ZFHX3: variants seen among roughly 807,000 people sequenced by gnomAD.
ZFHX3 encodes the protein zinc finger homeobox protein 3.
ZFHX3 carries 42 observed loss-of-function variants against 279.1 expected under a neutral mutation model. The observed-to-expected ratio is 0.15, with a 90% CI of 0.12 to 0.19. The LOEUF is 0.19. Ranked by LOEUF, ZFHX3 falls within the 10% of genes least tolerant of loss-of-function variation. ZFHX3 has a pLI of 1.00. For synonymous variants in ZFHX3, 2,293 were observed against 1,957.8 expected (o/e 1.17, Z -4.52); for missense variants, 4,981 against 4,754.0 (o/e 1.05, Z -1.40).
chr16:73,536,569 C>A (rs1350839885), intron 2 of ZFHX3, among the ~76,000 whole-genome samples: 5 of 152,190 alleles, frequency 3.3e-5, no homozygotes, highest in Non-Finnish European at 7.3e-5. Context: ...TCTATAAAAT[C>A]ATGGATTTAA....
At chr16:73,621,812 C>T (rs1250258277) in intron 2 of ZFHX3, among the ~76,000 whole-genome samples, 1 of 152,158 alleles carries the variant, frequency 6.6e-6, no homozygotes, top group Non-Finnish European at 1.5e-5. Flanking sequence ...AACCGAAATC[C>T]TCCACCGAAC....
At chr16:73,666,998 TATTTG>T (rs1436106834) in intron 2 of ZFHX3, among the ~76,000 whole-genome samples, 1 of 151,930 alleles carries the variant, frequency 6.6e-6, no homozygotes, top group Non-Finnish European at 1.5e-5. Context: ...CTTATTTATT[TATTTG>T]TTTTTGAGAC....
At chr16:73,090,947 C>T (rs1479347685) in intron 8 of ZFHX3, among the ~76,000 whole-genome samples, 2 of 141,200 alleles carry the variant, frequency 1.4e-5, no homozygotes, top group African/African-American at 5.5e-5. Context: ...CATGGTGGCT[C>T]ATACCTGTAA....
At chr16:72,870,930 C>A (rs942337118) in intron 4 of ZFHX3, among the ~76,000 whole-genome samples, 1 of 152,098 alleles carries the variant, frequency 6.6e-6, no homozygotes, top group Non-Finnish European at 1.5e-5. Flanking sequence ...TACACACTAA[C>A]TTATTTTGAT....
At chr16:73,192,344 C>A (rs921877686) in intron 5 of ZFHX3, among the ~76,000 whole-genome samples, 1 of 152,088 alleles carries the variant, frequency 6.6e-6, no homozygotes, top group Non-Finnish European at 1.5e-5. Context: ...GTGCTGAAAC[C>A]CAAACCACCC....
intron 1 of ZFHX3, among the ~76,000 whole-genome samples, chr16:73,707,327 T>C (rs1174556310): frequency 6.6e-6 from 1 of 152,078 alleles, no homozygotes; most frequent in East Asian, 1.9e-4. Context: ...GACTACATAG[T>C]TCAAGTCTTA....
chr16:73,374,882 G>C (rs1457149514), intron 3 of ZFHX3, among the ~76,000 whole-genome samples: 1 of 152,178 alleles, frequency 6.6e-6, no homozygotes, highest in Non-Finnish European at 1.5e-5. Flanking sequence ...CCAATGGCTT[G>C]ACAGGGTTAA....
In ZFHX3 at chr16:73,037,746, C is replaced by T. The variant is rs114950302; in HGVS notation, c.-50+10006G>A. 7.8e-3 allele frequency among the ~76,000 whole-genome samples: 1,189 copies of T among 152,234 alleles called. 13 individuals are homozygous for T. Among genetic ancestry groups the T allele is most frequent in the African/African-American group, 0.027 (1,137 of 41,528 alleles). ...AGGAGCAGAAATATGAACAGCCCTT[C>T]GTGTGTTATAAAATGCTGCTATGCT... On this transcript the variant is annotated intron_variant, in intron 1 of 9. Transcript: ENST00000268489.
chr16:72,821,883 G>A (rs918613727), intron 5 of ZFHX3: 4 of 152,144 alleles, frequency 2.6e-5, no homozygotes, highest in African/African-American at 9.7e-5. Flanking sequence ...TACTGCTGGG[G>A]CTATAAAACC....
chr16:73,405,593 T>G (rs1212680702), intron 3 of ZFHX3, among the ~76,000 whole-genome samples: 4 of 78,258 alleles, frequency 5.1e-5, no homozygotes, highest in East Asian at 1.0e-3. Context: ...TTGTTTTTTG[T>G]TTTTTTTTTT....
intron 1 of ZFHX3, among the ~76,000 whole-genome samples, chr16:73,805,617 A>G (rs940654281): frequency 1.3e-5 from 2 of 152,338 alleles, no homozygotes; most frequent in African/African-American, 4.8e-5. Context: ...GAAATCACTT[A>G]TTCATTTATT....
chr16:73,132,534 G>A (rs924892185), intron 6 of ZFHX3, among the ~76,000 whole-genome samples: 2 of 152,110 alleles, frequency 1.3e-5, no homozygotes, highest in African/African-American at 4.8e-5. Flanking sequence ...GGGGCCAGCT[G>A]GGGACTGGAT....
At position 72,794,919 on chromosome 16, in the gene ZFHX3, A is replaced by T; in HGVS notation, c.7763T>A (p.Leu2588Gln). The change falls in exon 9 of 10, where the codon CTG becomes CAG. Residue 2588 changes from leucine to glutamine, a missense_variant. Leu to Gln is a moderately radical substitution (Grantham distance 113, BLOSUM62 -2). Transcript: ENST00000268489. The surrounding 1 kb of genome is among the most constrained non-coding windows in gnomAD (Gnocchi z 4.2). ...AATCTGAGGTATGGCCCCAGAGAGC[A>T]GCTGGCTGGCCAGGAGTGGGTTACT... The part of the protein sequence containing the change: ...DPSNPLLASQ[L>Q]LSGAIPQIPA... The T allele has an allele frequency of 2.5e-6, 4 of 1,614,146 alleles. No homozygotes were observed. The highest frequency in any genetic ancestry group is 3.4e-6 in the Non-Finnish European group (4 of 1,180,026).
At chr16:73,650,735 G>A (rs2052662661) in intron 2 of ZFHX3, among the ~76,000 whole-genome samples, 1 of 152,074 alleles carries the variant, frequency 6.6e-6, no homozygotes, top group Non-Finnish European at 1.5e-5. Flanking sequence ...TCAATTTAGG[G>A]TGGTCTTGAA....
intron 9 of ZFHX3, chr16:72,790,699 G>A (rs1211276000): frequency 6.6e-6 from 1 of 152,210 alleles, no homozygotes; most frequent in Non-Finnish European, 1.5e-5. Flanking sequence ...ACTCAGAAAA[G>A]CTTAGTAAAG....
chr16:73,251,294 C>T lies in ZFHX3; in HGVS notation c.-1104+5753G>A, dbSNP rs551002106. On this transcript the variant is annotated intron_variant, in intron 5 of 17. Transcript: ENST00000641206. ...CCCCAAGTTAGTCTCTCTTGCTAAA[C>T]AGTGAATCACTAAGCTGTGGATAAT... Among the ~76,000 whole-genome samples the T allele has an allele frequency of 3.3e-5, 5 of 152,278 alleles. No homozygotes were observed. In the South Asian group the frequency reaches 1.0e-3, roughly 32 times the overall value.
At chr16:73,646,951 A>T (rs570964520) in intron 2 of ZFHX3, among the ~76,000 whole-genome samples, 37 of 152,134 alleles carry the variant, frequency 2.4e-4, no homozygotes, top group African/African-American at 8.0e-4. Context: ...CGCAGGGAGA[A>T]TCTGAGAAAC....
intron 7 of ZFHX3, among the ~76,000 whole-genome samples, chr16:72,804,849 TG>T (rs928863198): frequency 1.9e-4 from 29 of 152,210 alleles, no homozygotes; most frequent in African/African-American, 6.0e-4. Context: ...GGTCACCCTT[TG>T]CTAAGTTCTT....
Position 73,481,502 on chromosome 16 carries a change from C to T in ZFHX3, c.-1546-25244G>A, listed in dbSNP as rs553015310. Among the ~76,000 whole-genome samples the T allele has an allele frequency of 6.6e-5, 10 of 151,336 alleles. No individual in the cohort carries two copies. The South Asian group carries it at 8.4e-4, about 13-fold the overall frequency. On this transcript the variant is annotated intron_variant, in intron 2 of 17. Coordinates refer to the ZFHX3 transcript ENST00000641206. ...CAGGTGGAGTGCAGTGCTATGATCA[C>T]GGCTTACTGCAGCCTCAAACTCTTG...
Sources: allele counts gnomAD v4.1 joint callset (sites outside exome capture counted in the v4.1 genomes callset), GRCh38; gene constraint gnomAD v4.1.1; non-coding constraint Gnocchi (gnomAD v3.1); transcripts MANE v1.5; gene names NCBI Gene and HGNC (gene_info 2026-07-23, HGNC 2026-07-21).